Variants in SOX30 observed in about 807,000 individuals in gnomAD.
SOX30 encodes SRY-box transcription factor 30.
In SOX30, 17 loss-of-function variants were observed where a neutral mutation model predicts 58.6. That is an observed-to-expected ratio of 0.29 (90% CI 0.20 to 0.44). The LOEUF (loss-of-function observed/expected upper bound fraction) is 0.44, where lower values mean the gene tolerates loss of function less well. Among genes scored for constraint, SOX30 ranks in the 20% least tolerant of loss-of-function variants. The pLI is 1.00. For missense variants in SOX30, 951 were observed against 965.8 expected (o/e 0.98, Z 0.20); for synonymous variants, 421 against 400.2 (o/e 1.05, Z -0.62).
chr5:157,626,233 G>T lies in SOX30; in HGVS notation c.*107C>A. Reference sequence around the variant, plus strand: ...ATTTGGTTTTAACTCCTCAAATCACGACTGAAAACTTTCAACAAAGAATTC... The same window carrying T: ...ATTTGGTTTTAACTCCTCAAATCACTACTGAAAACTTTCAACAAAGAATTC... On this transcript the variant is annotated 3_prime_UTR_variant, in exon 5 of 5. Coordinates refer to ENST00000265007, the MANE Select transcript of SOX30 (RefSeq NM_178424.2). The T allele has an allele frequency of 9.6e-7, 1 of 1,041,404 alleles. No homozygotes were observed. The highest frequency in any genetic ancestry group is 1.3e-6 in the Non-Finnish European group (1 of 751,134). 64.5% of individuals were successfully genotyped at this position (1,041,404 alleles called of 1,614,324 possible). A position where few individuals can be genotyped will look rare whatever the true frequency, so the allele number is the denominator to read the frequency against.
rs1262746987 is a variant in SOX30, at chr5:157,651,443, G to A, written c.636C>T (p.Ile212=). The A allele has an allele frequency of 1.2e-6, 2 of 1,613,510 alleles. No homozygotes were observed. Among genetic ancestry groups the A allele is most frequent in the South Asian group, 2.2e-5 (2 of 91,074 alleles). ...GGAGTCTCTCGGGTTCCTCCGTTTT[G>A]ATCACACCTTCTCGGATGGCTGCCG... ...KSPAAIREGV[I]KTEEPERLLE... Residue 212 remains isoleucine, a synonymous_variant, in exon 1 of 5, where the codon ATC becomes ATT. Transcript: ENST00000265007.
chr5:157,640,824 C>T (rs1336026451), intron 3 of SOX30, among the ~76,000 whole-genome samples: 1 of 152,062 alleles, frequency 6.6e-6, no homozygotes, highest in Admixed American at 6.6e-5. Flanking sequence ...TGATTCCTTA[C>T]TTGTCTGCAC....
intron 4 of SOX30, among the ~76,000 whole-genome samples, chr5:157,631,047 T>A (rs921756685): frequency 3.8e-5 from 2 of 53,276 alleles, no homozygotes; most frequent in African/African-American, 6.1e-5. Context: ...TATATATATT[T>A]TATATATATA....
chr5:157,637,453 A>G (rs1031238649), intron 4 of SOX30, among the ~76,000 whole-genome samples: 3 of 152,296 alleles, frequency 2.0e-5, no homozygotes, highest in African/African-American at 4.8e-5. Flanking sequence ...AGAATTGGCA[A>G]TCACTTGGGA....
intron 4 of SOX30, among the ~76,000 whole-genome samples, chr5:157,631,053 A>ATATATATATACAATATATATATTT (rs1758791090): frequency 2.8e-4 from 13 of 45,806 alleles, no homozygotes; most frequent in African/African-American, 6.4e-4. Context: ...TATTTTATAT[A>ATATATATATACAATATATATATTT]TATATATATA....
chr5:157,654,771 A>G (rs1759439708), upstream of SOX30, among the ~76,000 whole-genome samples: 1 of 152,206 alleles, frequency 6.6e-6, no homozygotes, highest in South Asian at 2.1e-4. Flanking sequence ...ACCTCTTGTC[A>G]TCCTCACTAC....
At chr5:157,656,520 G>C (rs1352877179), upstream of SOX30, among the ~76,000 whole-genome samples, 1 of 152,182 alleles carries the variant, frequency 6.6e-6, no homozygotes, top group Non-Finnish European at 1.5e-5. Context: ...CCCAAGCAAT[G>C]CTAGAAAAAG....
intron 3 of SOX30, among the ~76,000 whole-genome samples, chr5:157,645,792 G>A (rs561204496): frequency 8.6e-5 from 13 of 152,044 alleles, no homozygotes; most frequent in Admixed American, 2.0e-4. Flanking sequence ...AGGCCGGGGC[G>A]GGCAGATCAT....
intron 1 of SOX30, chr5:157,667,997 T>A (rs936536523): frequency 2.3e-6 from 2 of 887,406 alleles, no homozygotes; most frequent in Non-Finnish European, 3.4e-6. Context: ...CACAGAGAGG[T>A]GGAGGAACTT....
At chr5:157,658,460 C>CA (rs1759521090) in intron 2 of SOX30, among the ~76,000 whole-genome samples, 1 of 152,218 alleles carries the variant, frequency 6.6e-6, no homozygotes, top group African/African-American at 2.4e-5. Context: ...TCAGAAGAAA[C>CA]AAGAGGGATG....
intron 2 of SOX30, among the ~76,000 whole-genome samples, chr5:157,659,208 T>C (rs1759532955): frequency 6.6e-6 from 1 of 152,388 alleles, no homozygotes; most frequent in African/African-American, 2.4e-5. Context: ...CTTTACTCTG[T>C]GGACTCATCC....
At chr5:157,654,863 G>A (rs1445252712), upstream of SOX30, among the ~76,000 whole-genome samples, 1 of 152,140 alleles carries the variant, frequency 6.6e-6, no homozygotes, top group East Asian at 1.9e-4. Flanking sequence ...AAAAGGGGAG[G>A]CATGAAAAAT....
At chr5:157,662,960 A>G (rs975398661) in intron 2 of SOX30, among the ~76,000 whole-genome samples, 6 of 152,184 alleles carry the variant, frequency 3.9e-5, no homozygotes, top group Non-Finnish European at 1.5e-5. Context: ...AATTGAGGCA[A>G]TAATTAATAG....
At chr5:157,639,255 C>G (rs1012959750) in intron 3 of SOX30, among the ~76,000 whole-genome samples, 2 of 152,092 alleles carry the variant, frequency 1.3e-5, no homozygotes, top group African/African-American at 4.8e-5. Flanking sequence ...TTTATACCTA[C>G]TGGTACTATC....
chr5:157,632,047 TAAAAAAAAAAAAAA>T (rs570172679), intron 4 of SOX30, among the ~76,000 whole-genome samples: 3 of 56,392 alleles, frequency 5.3e-5, no homozygotes, highest in African/African-American at 7.8e-5. Context: ...ACCCCGTAAC[TAAAAAAAAAAAAAA>T]AAAAAAAAAA....
chr5:157,663,649 G>A (rs1329052770), intron 2 of SOX30, among the ~76,000 whole-genome samples: 1 of 152,198 alleles, frequency 6.6e-6, no homozygotes, highest in African/African-American at 2.4e-5. Flanking sequence ...ATTAGGAAAA[G>A]AGGAAGTCAA....
At chr5:157,663,316 G>A (rs555932166) in intron 2 of SOX30, among the ~76,000 whole-genome samples, 10 of 152,098 alleles carry the variant, frequency 6.6e-5, no homozygotes, top group South Asian at 2.1e-4. Flanking sequence ...ATCAATAAAC[G>A]TAATCCAGCA....
At chr5:157,639,281 C>T (rs1044407054) in intron 3 of SOX30, among the ~76,000 whole-genome samples, 10 of 151,898 alleles carry the variant, frequency 6.6e-5, no homozygotes, top group African/African-American at 1.5e-4. Context: ...GTTCTGTTTA[C>T]CTAAATATAT....
intron 1 of SOX30, among the ~76,000 whole-genome samples, chr5:157,671,044 G>A (rs28513141): frequency 0.075 from 11,464 of 152,222 alleles, 1,486 homozygotes; most frequent in African/African-American, 0.26. Context: ...GACCCCGCAG[G>A]AGATGGCGGA....
Sources: gnomAD v4.1 joint callset for allele counts (sites outside exome capture counted in the v4.1 genomes callset) on GRCh38, gnomAD v4.1.1 for gene constraint, MANE v1.5 for transcripts, NCBI Gene and HGNC (gene_info 2026-07-23, HGNC 2026-07-21) for gene names.